Variants in COL24A1 observed in about 807,000 individuals in gnomAD.
COL24A1 encodes collagen alpha-1(XXIV) chain.
In COL24A1, 224 loss-of-function variants were observed where a neutral mutation model predicts 253.9. The ratio of observed to expected loss-of-function variants is 0.88; its 90% CI spans 0.79 to 0.99. The LOEUF (loss-of-function observed/expected upper bound fraction) is 0.99. Ranked by LOEUF, COL24A1 falls within the 50% of genes least tolerant of loss-of-function variation. The probability of loss-of-function intolerance (pLI) is 0.00; values close to 1 mark genes in which losing one functional copy is unlikely to be tolerated. For synonymous variants in COL24A1, 685 were observed against 673.7 expected (o/e 1.02, Z -0.26); for missense variants, 2,131 against 2,068.5 (o/e 1.03, Z -0.59).
At chr1:86,006,887 C>A (rs519361) in intron 19 of COL24A1, among the ~76,000 whole-genome samples, 27,597 of 151,998 alleles carry the variant, frequency 0.18, 3,185 homozygotes, top group African/African-American at 0.32. Context: ...AGATGCTCCA[C>A]ATTATATGTC....
intron 5 of COL24A1, among the ~76,000 whole-genome samples, chr1:86,096,842 A>G (rs554350717): frequency 6.6e-6 from 1 of 152,296 alleles, no homozygotes; most frequent in East Asian, 1.9e-4. Context: ...TGTCTTAGTC[A>G]ATTCACATTC....
intron 55 of COL24A1, among the ~76,000 whole-genome samples, chr1:85,756,387 C>G (rs139511197): frequency 1.3e-5 from 2 of 152,162 alleles, no homozygotes; most frequent in African/African-American, 4.8e-5. Context: ...CCACTGCACT[C>G]CAGCTTGGGC....
Position 86,125,984 on chromosome 1 carries a change from T to C in COL24A1, c.352A>G (p.Asn118Asp). The stretch of plus-strand genomic sequence containing the variant: ...CTAATGCTGAAGAGAAATGCATTGT[T>C]CACCCGATGTGACTGTAACCCAGTT... ...ILTGLQSHRV[N>D]NAFLFSIRNK... The change falls in exon 3 of 60, where the codon AAC (asparagine) becomes GAC (aspartate). Residue 118 changes from asparagine (N) to aspartate (D), a missense_variant. Transcript: ENST00000370571. 1.9e-6 allele frequency: 3 copies of C among 1,613,606 alleles called. No individual in the cohort carries two copies. Among genetic ancestry groups the C allele is most frequent in the Non-Finnish European group, 2.5e-6 (3 of 1,179,802 alleles).
chr1:85,926,142 T>G (rs2103053356), intron 24 of COL24A1, among the ~76,000 whole-genome samples: 1 of 152,268 alleles, frequency 6.6e-6, no homozygotes, highest in South Asian at 2.1e-4. Flanking sequence ...CTCACCCCAG[T>G]TAGAATGGCG....
intron 32 of COL24A1, among the ~76,000 whole-genome samples, chr1:85,885,397 A>ATATATTTTTTTTTT (rs60994639): frequency 6.2e-5 from 8 of 128,902 alleles, no homozygotes; most frequent in Non-Finnish European, 1.3e-4. Flanking sequence ...ATATATATAT[A>ATATATTTTTTTTTT]TTTTTTTTTT....
At chr1:86,074,194 C>T (rs371320590) in intron 7 of COL24A1, among the ~76,000 whole-genome samples, 11 of 152,100 alleles carry the variant, frequency 7.2e-5, no homozygotes, top group Admixed American at 1.3e-4. Context: ...CAAGACCCAT[C>T]GGTGTGCTGT....
chr1:86,077,743 A>G (rs1278522732), intron 7 of COL24A1, among the ~76,000 whole-genome samples: 2 of 152,154 alleles, frequency 1.3e-5, no homozygotes, highest in African/African-American at 4.8e-5. Context: ...CAGGAACAGA[A>G]AACAAAACAC....
intron 7 of COL24A1, among the ~76,000 whole-genome samples, chr1:86,081,166 T>C (rs1702608893): frequency 6.6e-6 from 1 of 152,182 alleles, no homozygotes; most frequent in Non-Finnish European, 1.5e-5. Context: ...CTTCTTGTTG[T>C]TGTCTAAATT....
chr1:85,802,361 C>CT (rs1364799643), intron 47 of COL24A1, among the ~76,000 whole-genome samples: 2 of 152,068 alleles, frequency 1.3e-5, no homozygotes, highest in African/African-American at 4.8e-5. Flanking sequence ...CCGTACTGGT[C>CT]TTTTTTTGAT....
At chr1:85,909,145 A>C (rs1685130100) in intron 26 of COL24A1, among the ~76,000 whole-genome samples, 1 of 151,832 alleles carries the variant, frequency 6.6e-6, no homozygotes, top group Non-Finnish European at 1.5e-5. Context: ...GATTCAAAAA[A>C]TGCGTTAGGA....
At chr1:85,863,320 C>T (rs546317152) in intron 37 of COL24A1, among the ~76,000 whole-genome samples, 1 of 152,246 alleles carries the variant, frequency 6.6e-6, no homozygotes, top group African/African-American at 2.4e-5. Flanking sequence ...CTTTCTCCTG[C>T]CTGATTGCCC....
chr1:86,108,254 T>C lies in COL24A1; in HGVS notation c.1599+4313A>G, dbSNP rs77944349. Among the ~76,000 whole-genome samples, 578 of 152,214 alleles carry C rather than the reference T, an allele frequency of 3.8e-3. 2 individuals are homozygous for C. Among genetic ancestry groups the C allele is most frequent in the African/African-American group, 0.013 (551 of 41,546 alleles). On this transcript the variant is annotated intron_variant, in intron 5 of 59. Coordinates refer to ENST00000370571, the MANE Select transcript of COL24A1 (RefSeq NM_152890.7). ...ATACGTTCTTATAATCAAATCAGGGTAATTGGGCTGGATCTCTATTACAAT... is the reference window on the plus strand; with the variant it reads ...ATACGTTCTTATAATCAAATCAGGGCAATTGGGCTGGATCTCTATTACAAT...
At chr1:86,133,010 T>C (rs1258278780) in intron 2 of COL24A1, among the ~76,000 whole-genome samples, 2 of 10,680 alleles carry the variant, frequency 1.9e-4, no homozygotes, top group Non-Finnish European at 0.015. Context: ...CACGGAATGT[T>C]CTTCCATTTT....
chr1:86,080,258 T>C (rs1467431256), intron 7 of COL24A1, among the ~76,000 whole-genome samples: 3 of 151,998 alleles, frequency 2.0e-5, no homozygotes, highest in African/African-American at 7.2e-5. Flanking sequence ...AATGGAAGGA[T>C]GGTTATTTGA....
Position 85,909,983 on chromosome 1 carries a change from G to C in COL24A1, c.2637C>G (p.Gly879=). 2 of 1,610,114 alleles carry C rather than the reference G, an allele frequency of 1.2e-6. No individual in the cohort carries two copies. The highest frequency in any genetic ancestry group is 1.7e-6 in the Non-Finnish European group (2 of 1,176,938). The change falls in exon 26 of 60, where the codon GGC becomes GGG. Residue 879 remains glycine (G), a synonymous_variant. Coordinates refer to ENST00000370571, the MANE Select transcript of COL24A1 (RefSeq NM_152890.7). ...IGEKGERGSP[G]PLGPQGEKGV... The stretch of plus-strand genomic sequence containing the variant: ...CTTTTTCTCCCTGCGGACCTAGTGG[G>C]CCTGGACTTCCACGTTCTCCCTTTT...
At position 85,812,535 on chromosome 1, in the gene COL24A1, T is replaced by C. The variant is rs536451260; in HGVS notation, c.3951+4253A>G. ...AGATGGCTTGAGATACGGATCTACA[T>C]TAATTCAGAGAGCACTGGCTAAGAG... On this transcript the variant is annotated intron_variant, in intron 47 of 59. Transcript: ENST00000370571. 2.6e-5 allele frequency among the ~76,000 whole-genome samples: 4 copies of C among 152,258 alleles called. No individual in the cohort carries two copies. In the East Asian group the frequency reaches 7.7e-4, roughly 29 times the overall value.
At chr1:86,059,234 T>C (rs886947625) in intron 8 of COL24A1, 60 bp from the exon 9 acceptor site, 36 of 1,219,332 alleles carry the variant, frequency 3.0e-5, no homozygotes, top group Non-Finnish European at 4.1e-5. Flanking sequence ...TTTGGTATAT[T>C]TACAATACAC....
At chr1:85,803,921 T>C (rs1213254384) in intron 47 of COL24A1, among the ~76,000 whole-genome samples, 2 of 152,180 alleles carry the variant, frequency 1.3e-5, no homozygotes, top group African/African-American at 4.8e-5. Flanking sequence ...ATATTGAATA[T>C]GTCATATAAA....
intron 12 of COL24A1, among the ~76,000 whole-genome samples, chr1:86,043,776 T>A (rs559042230): frequency 6.6e-6 from 1 of 152,264 alleles, no homozygotes; most frequent in South Asian, 2.1e-4. Flanking sequence ...TCCGCCCGCC[T>A]CGGCCCCCCA....
Sources: gnomAD v4.1 joint callset for allele counts (sites outside exome capture counted in the v4.1 genomes callset) on GRCh38, gnomAD v4.1.1 for gene constraint, MANE v1.5 for transcripts, NCBI Gene and HGNC (gene_info 2026-07-23, HGNC 2026-07-21) for gene names.